Variants in PCDHGA1 observed in about 807,000 individuals in gnomAD.
The protein encoded by PCDHGA1 is protocadherin gamma-A1.
PCDHGA1 carries 32 observed loss-of-function variants against 58.0 expected under a neutral mutation model. That is an observed-to-expected ratio of 0.55 (90% confidence interval 0.42 to 0.74). The LOEUF (loss-of-function observed/expected upper bound fraction) is 0.74, where lower values mean the gene tolerates loss of function less well. Ranked by LOEUF, PCDHGA1 falls within the 30% of genes least tolerant of loss-of-function variation. PCDHGA1 has a pLI of 0.00. For missense variants in PCDHGA1, 1,205 were observed against 1,182.3 expected (o/e 1.02, Z -0.28); for synonymous variants, 498 against 501.1 (o/e 0.99, Z 0.08).
chr5:141,371,979 G>T (rs1216406946), intron 1 of PCDHGA1: 1 of 1,613,118 alleles, frequency 6.2e-7, no homozygotes, highest in Non-Finnish European at 8.5e-7. Flanking sequence ...GCGTGCCTTC[G>T]AGCTCACTCT....
chr5:141,390,279 C>T (rs759949726), intron 1 of PCDHGA1: 18 of 1,613,880 alleles, frequency 1.1e-5, no homozygotes, highest in Non-Finnish European at 1.5e-5. Context: ...GACTTCCCAT[C>T]AGGTGAGTTT....
chr5:141,460,553 C>A (rs2098991893), intron 1 of PCDHGA1, among the ~76,000 whole-genome samples: 1 of 152,032 alleles, frequency 6.6e-6, no homozygotes. Context: ...AATCAAAAAT[C>A]ATTTGGCCAT....
intron 1 of PCDHGA1, chr5:141,361,341 C>T (rs1561523324): frequency 6.2e-7 from 1 of 1,613,988 alleles, no homozygotes; most frequent in Non-Finnish European, 8.5e-7. Context: ...AGAACTATTA[C>T]AAACTAGTGA....
intron 1 of PCDHGA1, among the ~76,000 whole-genome samples, chr5:141,425,325 A>G (rs1371591408): frequency 6.6e-6 from 1 of 152,240 alleles, no homozygotes. Context: ...ATCGTGGAGA[A>G]CAAAAAGGAA....
intron 1 of PCDHGA1, among the ~76,000 whole-genome samples, chr5:141,382,481 T>C (rs1778238182): frequency 6.6e-6 from 1 of 152,228 alleles, no homozygotes; most frequent in Non-Finnish European, 1.5e-5. Flanking sequence ...TCTAAGATTA[T>C]CAAACACCGG....
At chr5:141,415,422 G>A (rs769839324) in intron 1 of PCDHGA1, 3 of 1,614,204 alleles carry the variant, frequency 1.9e-6, no homozygotes, top group East Asian at 2.2e-5. Context: ...GCGTGGACGG[G>A]GTTCGGGCTT....
Position 141,477,749 on chromosome 5 carries a change from C to T in PCDHGA1, c.2422-17058C>T. The stretch of plus-strand genomic sequence containing the variant: ...AGCTCATATCAGCGATGGGGGCACC[C>T]CGGTCCTAGCCACCAACATCAGCGT... On this transcript the variant is annotated intron_variant, in intron 1 of 3. Transcript: ENST00000517417. The surrounding 1 kb of genome is among the most constrained non-coding windows in gnomAD (Gnocchi z 4.9). 1 of 1,613,904 alleles carries T rather than the reference C, an allele frequency of 6.2e-7. No homozygotes were observed. Among genetic ancestry groups the T allele is most frequent in the Non-Finnish European group, 8.5e-7 (1 of 1,180,030 alleles).
In PCDHGA1 at chr5:141,332,249, A is replaced by G; in HGVS notation, c.1565A>G (p.Tyr522Cys). 2 of 1,614,204 alleles carry G rather than the reference A, an allele frequency of 1.2e-6. No homozygotes were observed. Among genetic ancestry groups the G allele is most frequent in the East Asian group, 2.2e-5 (1 of 44,880 alleles). The part of the protein sequence containing the change: ...GVLYALRSFD[Y>C]EQFRDMQLKV... ...CTGTATGCGCTGCGATCCTTCGACT[A>G]TGAGCAGTTCCGGGACATGCAACTG... is the stretch of plus-strand genomic sequence containing the variant. Residue 522 changes from tyrosine (Y) to cysteine (C), a missense_variant, in exon 1 of 4, where the codon TAT (tyrosine) becomes TGT (cysteine). Tyr to Cys is a radical substitution (Grantham distance 194). Transcript: ENST00000517417. This position sits in a 1 kb window ranked among gnomAD's most constrained non-coding sequence, Gnocchi z 4.6.
rs956158943 is a variant in PCDHGA1, at chr5:141,334,246, T to C, written c.2421+1141T>C. The C allele has an allele frequency of 2.6e-5, 4 of 152,242 alleles. No homozygotes were observed. The highest frequency in any genetic ancestry group is 9.6e-5 in the African/African-American group (4 of 41,456). The allele number at this position is 152,242 out of a possible 1,614,324, so 9.4% of individuals were successfully genotyped here. On this transcript the variant is annotated intron_variant, in intron 1 of 3. Transcript: ENST00000517417. This position sits in a 1 kb window ranked among gnomAD's most constrained non-coding sequence, Gnocchi z 4.6. The stretch of plus-strand genomic sequence containing the variant: ...AGGGACAGAAGTGCTTCAGACTAGA[T>C]AAATATCTGGACCAGGCTTACTGCC...
At chr5:141,409,590 A>G (rs755702950) in intron 1 of PCDHGA1, 1 of 1,613,898 alleles carries the variant, frequency 6.2e-7, no homozygotes, top group Non-Finnish European at 8.5e-7. Context: ...CACGTGGCCG[A>G]GAACAACCCG....
chr5:141,371,174 C>T (rs777820402), intron 1 of PCDHGA1: 1 of 1,613,994 alleles, frequency 6.2e-7, no homozygotes, highest in Middle Eastern at 1.6e-4. Flanking sequence ...CTGGCTCCTC[C>T]GTATTAAAAG....
At chr5:141,357,549 G>A in intron 1 of PCDHGA1, 2 of 1,614,218 alleles carry the variant, frequency 1.2e-6, no homozygotes, top group Non-Finnish European at 1.7e-6. Context: ...TCAGCCGGGA[G>A]AGTTGTGAGA....
intron 1 of PCDHGA1, chr5:141,339,770 A>G: frequency 6.2e-7 from 1 of 1,614,206 alleles, no homozygotes; most frequent in Non-Finnish European, 8.5e-7. Flanking sequence ...GGTGACCGCC[A>G]CTGACGCAGA....
chr5:141,399,465 G>A, intron 1 of PCDHGA1: 1 of 1,614,014 alleles, frequency 6.2e-7, no homozygotes, highest in Non-Finnish European at 8.5e-7. Context: ...ATAACGCTCC[G>A]GTTTTCCACC....
At chr5:141,435,719 C>T (rs890713374) in intron 1 of PCDHGA1, among the ~76,000 whole-genome samples, 6 of 152,156 alleles carry the variant, frequency 3.9e-5, no homozygotes, top group Admixed American at 3.3e-4. Context: ...ACACTGAATG[C>T]TAAAGTGTAT....
chr5:141,404,290 T>C (rs2094507318), intron 1 of PCDHGA1: 1 of 1,613,984 alleles, frequency 6.2e-7, no homozygotes, highest in South Asian at 1.1e-5. Context: ...CTGACATCAA[T>C]GATAATCCAC....
intron 1 of PCDHGA1, chr5:141,399,746 C>G (rs1478736881): frequency 2.5e-6 from 4 of 1,613,242 alleles, no homozygotes; most frequent in African/African-American, 2.7e-5. Context: ...GCGCTCAGCG[C>G]AAACGTGAGC....
chr5:141,411,766 C>A (rs796623075), intron 1 of PCDHGA1: 1 of 152,454 alleles, frequency 6.6e-6, no homozygotes, highest in South Asian at 2.1e-4. Context: ...CCTGTGGTCT[C>A]AGCTACTCTG....
chr5:141,499,404 T>G (rs1468724077), intron 2 of PCDHGA1, among the ~76,000 whole-genome samples: 3 of 152,178 alleles, frequency 2.0e-5, no homozygotes, highest in African/African-American at 7.2e-5. Context: ...ACATGCTCAT[T>G]ATAGAAACAT....
Sources: allele counts gnomAD v4.1 joint callset (sites outside exome capture counted in the v4.1 genomes callset), GRCh38; gene constraint gnomAD v4.1.1; non-coding constraint Gnocchi (gnomAD v3.1); transcripts MANE v1.5; gene names NCBI Gene and HGNC (gene_info 2026-07-23, HGNC 2026-07-21).